The following JAKMIP1 variants were observed in gnomAD, a reference collection of about 807,000 sequenced individuals.
The protein encoded by JAKMIP1 is janus kinase and microtubule-interacting protein 1.
In JAKMIP1, 33 loss-of-function variants were observed where a neutral mutation model predicts 113.0. The observed-to-expected ratio is 0.29, with a 90% confidence interval of 0.22 to 0.39. The LOEUF (loss-of-function observed/expected upper bound fraction) is 0.39. Ranked by LOEUF, JAKMIP1 falls within the 10% of genes least tolerant of loss-of-function variation. The probability of loss-of-function intolerance (pLI) is 1.00; values close to 1 mark genes in which losing one functional copy is unlikely to be tolerated. For synonymous variants in JAKMIP1, 480 were observed against 459.9 expected (o/e 1.04, Z -0.56); for missense variants, 813 against 1,080.5 (o/e 0.75, Z 3.47).
rs1718257673 is a variant in JAKMIP1 at position 6,067,429 on chromosome 4, A to G, written c.1303-2421T>C. Among the ~76,000 whole-genome samples the G allele has an allele frequency of 6.6e-6, 1 of 152,176 alleles. No homozygotes were observed. The highest frequency in any genetic ancestry group is 1.5e-5 in the Non-Finnish European group (1 of 68,026). On this transcript the variant is annotated intron_variant, in intron 8 of 20. Coordinates refer to ENST00000409021, the MANE Select transcript of JAKMIP1 (RefSeq NM_001099433.2). This position sits in a 1 kb window ranked among gnomAD's most constrained non-coding sequence, Gnocchi z 4.6. ...TTCAATGTCATTTCTCTCCTTGCAG[A>G]GGCTGGAGACAATCATCTACTCAAA...
chr4:6,054,824 G>A (rs541831323), intron 12 of JAKMIP1: 6 of 456,724 alleles, frequency 1.3e-5, no homozygotes, highest in African/African-American at 8.0e-5. Flanking sequence ...GCATGTACAC[G>A]AGGGCTTTGA....
chr4:6,182,328 G>A (rs745680634), intron 1 of JAKMIP1, among the ~76,000 whole-genome samples: 14 of 149,676 alleles, frequency 9.4e-5, no homozygotes, highest in Non-Finnish European at 1.8e-4. Context: ...AGGATCACTT[G>A]AGCCCGGGAG....
In JAKMIP1 at chr4:6,140,919, T is replaced by C. The variant is rs1560262563; in HGVS notation, c.-147-27922A>G. Reference sequence around the variant, plus strand: ...ACACTGGAGAATGGTGGGATCCCTCTCTTTACAAAATCAGAAGCTGAGGTC... The same window carrying C: ...ACACTGGAGAATGGTGGGATCCCTCCCTTTACAAAATCAGAAGCTGAGGTC... On this transcript the variant is annotated intron_variant, in intron 1 of 20. Transcript: ENST00000409021. This position sits in a 1 kb window ranked among gnomAD's most constrained non-coding sequence, Gnocchi z 9.4. Among the ~76,000 whole-genome samples the C allele has an allele frequency of 6.6e-6, 1 of 152,134 alleles. No homozygotes were observed. Among genetic ancestry groups the C allele is most frequent in the Non-Finnish European group, 1.5e-5 (1 of 68,032 alleles).
Position 6,031,699 on chromosome 4 carries a change from T to C in JAKMIP1, c.2380-1918A>G, listed in dbSNP as rs1175940247. On this transcript the variant is annotated intron_variant, in intron 19 of 20. Coordinates refer to ENST00000409021, the MANE Select transcript of JAKMIP1 (RefSeq NM_001099433.2). This position sits in a 1 kb window ranked among gnomAD's most constrained non-coding sequence, Gnocchi z 4.4. ...AGCAGGGAAATGATGAGCTTTTGAT[T>C]TCAGGATGATCACGGGGCAGCCAAA... 6.6e-6 allele frequency among the ~76,000 whole-genome samples: 1 copy of C among 152,032 alleles called. No homozygotes were observed. The highest frequency in any genetic ancestry group is 1.5e-5 in the Non-Finnish European group (1 of 68,002).
rs987388051 is a variant in JAKMIP1, at chr4:6,158,155, C to A, written c.-148+42098G>T. Reference sequence around the variant, plus strand: ...ACCTGGAACGCAAGGATGGGGAGAACGGATCGCCTCACAGTGTGGAGGGCA... The same window carrying A: ...ACCTGGAACGCAAGGATGGGGAGAAAGGATCGCCTCACAGTGTGGAGGGCA... On this transcript the variant is annotated intron_variant, in intron 1 of 20. Transcript: ENST00000409021. The surrounding 1 kb of genome is among the most constrained non-coding windows in gnomAD (Gnocchi z 5.3). 1.3e-5 allele frequency among the ~76,000 whole-genome samples: 2 copies of A among 152,196 alleles called. No individual in the cohort carries two copies. The highest frequency in any genetic ancestry group is 2.9e-5 in the Non-Finnish European group (2 of 68,036).
At chr4:6,066,928 G>C (rs1017742978) in intron 8 of JAKMIP1, among the ~76,000 whole-genome samples, 1 of 151,096 alleles carries the variant, frequency 6.6e-6, no homozygotes. Flanking sequence ...ACCTGCCATG[G>C]GGCCTTTGCG....
rs1024457653 is a variant in JAKMIP1, at chr4:6,040,834, G to A, written c.2098-118C>T. On this transcript the variant is annotated intron_variant, in intron 17 of 20. Coordinates refer to ENST00000409021, the MANE Select transcript of JAKMIP1 (RefSeq NM_001099433.2). The surrounding 1 kb of genome is among the most constrained non-coding windows in gnomAD (Gnocchi z 5.8). The stretch of plus-strand genomic sequence containing the variant: ...CGAATTGGGGGCACTCAGATGAGAA[G>A]GGACTTGGTGGTCTTCCCCGTTTGC... 5 of 745,758 alleles carry A rather than the reference G, an allele frequency of 6.7e-6. No homozygotes were observed. The highest frequency in any genetic ancestry group is 1.2e-5 in the Non-Finnish European group (5 of 429,792). 46.2% of individuals were successfully genotyped at this position (745,758 alleles called of 1,614,324 possible).
rs1377233568 is a variant in JAKMIP1 at position 6,197,440 on chromosome 4, A to G, written c.-148+2813T>C. Among the ~76,000 whole-genome samples, 1 of 152,194 alleles carries G rather than the reference A, an allele frequency of 6.6e-6. No homozygotes were observed. The highest frequency in any genetic ancestry group is 1.5e-5 in the Non-Finnish European group (1 of 68,030). ...CCTCATAAATCGGCTACCTTTGCTC[A>G]GAGACCACACCTCTGATCCCCACAC... On this transcript the variant is annotated intron_variant, in intron 1 of 20. Coordinates refer to ENST00000409021, the MANE Select transcript of JAKMIP1 (RefSeq NM_001099433.2). This position sits in a 1 kb window ranked among gnomAD's most constrained non-coding sequence, Gnocchi z 6.5.
Position 6,089,044 on chromosome 4 carries a change from A to C in JAKMIP1, c.625-3415T>G, listed in dbSNP as rs1028901079. ...GAACCAATGGCCAGAAGTAGGCAGC[A>C]CCAGGATCCTCCTGTTTTTCTTTAG... is the stretch of plus-strand genomic sequence containing the variant. On this transcript the variant is annotated intron_variant, in intron 3 of 20. Transcript: ENST00000409021. The surrounding 1 kb of genome is among the most constrained non-coding windows in gnomAD (Gnocchi z 5.3). Among the ~76,000 whole-genome samples the C allele has an allele frequency of 2.6e-5, 4 of 152,218 alleles. No individual in the cohort carries two copies. The South Asian group carries it at 6.2e-4, about 24-fold the overall frequency.
At chr4:6,175,877 G>T (rs1156260609) in intron 1 of JAKMIP1, among the ~76,000 whole-genome samples, 2 of 152,202 alleles carry the variant, frequency 1.3e-5, no homozygotes, top group Non-Finnish European at 2.9e-5. Flanking sequence ...ACCCATCAAG[G>T]CCCTTGTCCT....
chr4:6,047,862 G>A (rs113831849), intron 16 of JAKMIP1, among the ~76,000 whole-genome samples: 2,367 of 152,254 alleles, frequency 0.016, 68 homozygotes, highest in African/African-American at 0.053. Context: ...CCATAAACCA[G>A]TGTAAAAGGC....
intron 3 of JAKMIP1, among the ~76,000 whole-genome samples, chr4:6,099,069 C>T (rs1032126237): frequency 6.6e-6 from 1 of 152,194 alleles, no homozygotes; most frequent in African/African-American, 2.4e-5. Flanking sequence ...TTTATCCATC[C>T]TATTGCTACA....
At position 6,143,042 on chromosome 4, in the gene JAKMIP1, G is replaced by A. The variant is rs988158605; in HGVS notation, c.-147-30045C>T. On this transcript the variant is annotated intron_variant, in intron 1 of 20. Coordinates refer to ENST00000409021, the MANE Select transcript of JAKMIP1 (RefSeq NM_001099433.2). This position sits in a 1 kb window ranked among gnomAD's most constrained non-coding sequence, Gnocchi z 4.9. ...GCAGCCTGGTGGACTCTGGAAGGCT[G>A]AAGTTCAACACAGACTCTGGCTCTG... Among the ~76,000 whole-genome samples, 2 of 152,226 alleles carry A rather than the reference G, an allele frequency of 1.3e-5. No homozygotes were observed. The highest frequency in any genetic ancestry group is 4.8e-5 in the African/African-American group (2 of 41,540).
intron 16 of JAKMIP1, among the ~76,000 whole-genome samples, chr4:6,048,022 A>G (rs1715214631): frequency 6.6e-6 from 1 of 152,382 alleles, no homozygotes; most frequent in South Asian, 2.1e-4. Flanking sequence ...AACAAATCCA[A>G]TGGAAAACCC....
intron 1 of JAKMIP1, among the ~76,000 whole-genome samples, chr4:6,149,152 G>C (rs1397583691): frequency 6.6e-6 from 1 of 152,200 alleles, no homozygotes; most frequent in African/African-American, 2.4e-5. Context: ...GCAGGACTGA[G>C]CTGAATGCTT....
rs957127070 is a variant in JAKMIP1 at position 6,176,747 on chromosome 4, A to G, written c.-148+23506T>C. 6.6e-6 allele frequency among the ~76,000 whole-genome samples: 1 copy of G among 152,168 alleles called. No homozygotes were observed. Among genetic ancestry groups the G allele is most frequent in the African/African-American group, 2.4e-5 (1 of 41,444 alleles). On this transcript the variant is annotated intron_variant, in intron 1 of 20. Transcript: ENST00000409021. This position sits in a 1 kb window ranked among gnomAD's most constrained non-coding sequence, Gnocchi z 5.5. ...TTGGAGCCTATATCAAAGTGGTGGG[A>G]AAAGCTGGGCGCCATGGCTCACACC...
chr4:6,193,788 G>C lies in JAKMIP1; in HGVS notation c.-148+6465C>G, dbSNP rs184696699. 1.8e-4 allele frequency among the ~76,000 whole-genome samples: 28 copies of C among 152,294 alleles called. No homozygotes were observed. In the East Asian group the frequency reaches 5.0e-3, roughly 27 times the overall value. ...ATGCATTAGTGAGCAGGGGAGGAGA[G>C]GGTGGAAGAGCCTGCAGAATAGGAC... On this transcript the variant is annotated intron_variant, in intron 1 of 20. Transcript: ENST00000409021. The surrounding 1 kb of genome is among the most constrained non-coding windows in gnomAD (Gnocchi z 6.4).
At position 6,154,030 on chromosome 4, in the gene JAKMIP1, C is replaced by T. The variant is rs1183115586; in HGVS notation, c.-147-41033G>A. Reference sequence around the variant, plus strand: ...TGTTTACTAAATACTGGCTGCTGAACCAGAGTGAGAGTTCAAGGCCATCTC... The same window carrying T: ...TGTTTACTAAATACTGGCTGCTGAATCAGAGTGAGAGTTCAAGGCCATCTC... On this transcript the variant is annotated intron_variant, in intron 1 of 20. Transcript: ENST00000409021. The surrounding 1 kb of genome is among the most constrained non-coding windows in gnomAD (Gnocchi z 4.2). Among the ~76,000 whole-genome samples the T allele has an allele frequency of 6.6e-6, 1 of 152,140 alleles. No homozygotes were observed. The highest frequency in any genetic ancestry group is 1.5e-5 in the Non-Finnish European group (1 of 68,028).
In JAKMIP1 at chr4:6,192,368, T is replaced by C. The variant is rs1343095311; in HGVS notation, c.-148+7885A>G. On this transcript the variant is annotated intron_variant, in intron 1 of 20. Coordinates refer to ENST00000409021, the MANE Select transcript of JAKMIP1 (RefSeq NM_001099433.2). The surrounding 1 kb of genome is among the most constrained non-coding windows in gnomAD (Gnocchi z 5.0). ...GGTCCCCTGGTGGCCTCAGGACAAG[T>C]GTATGAGTCACCTGGCATTAGGAAA... Among the ~76,000 whole-genome samples the C allele has an allele frequency of 6.6e-6, 1 of 152,096 alleles. No homozygotes were observed. Among genetic ancestry groups the C allele is most frequent in the African/African-American group, 2.4e-5 (1 of 41,420 alleles).
Sources: allele counts gnomAD v4.1 joint callset (sites outside exome capture counted in the v4.1 genomes callset), GRCh38; gene constraint gnomAD v4.1.1; non-coding constraint Gnocchi (gnomAD v3.1); transcripts MANE v1.5; gene names NCBI Gene and HGNC (gene_info 2026-07-23, HGNC 2026-07-21).